DMD: variants seen among roughly 807,000 people sequenced by gnomAD.
DMD encodes dystrophin.
A neutral mutation model predicts 330.1 loss-of-function variants in DMD; 63 were observed. The ratio of observed to expected loss-of-function variants is 0.19; its 90% CI spans 0.16 to 0.24. The LOEUF (loss-of-function observed/expected upper bound fraction) is 0.24, where lower values mean the gene tolerates loss of function less well. DMD is among the 10% of genes least tolerant of loss of function. The pLI, the probability that DMD is intolerant of heterozygous loss-of-function variation, is 1.00. For synonymous variants in DMD, 1,223 were observed against 959.8 expected, an observed-to-expected ratio of 1.27 and a Z score of -5.07; for missense variants, 3,344 against 2,684.1, an observed-to-expected ratio of 1.25 and a Z score of -5.43.
At chrX:32,026,357 A>G (rs1396939010) in intron 44 of DMD, among the ~76,000 whole-genome samples, 1 of 112,327 alleles carries the variant, frequency 8.9e-6, no homozygotes, top group East Asian at 2.8e-4. Flanking sequence ...ATTTAAGATT[A>G]CAAAGAACTA....
chrX:33,056,223 G>T lies in DMD; in HGVS notation c.32-36023C>A, dbSNP rs150923288. Among the ~76,000 whole-genome samples the T allele has an allele frequency of 3.9e-3, 432 of 110,607 alleles. 5 individuals are homozygous for T. The highest frequency in any genetic ancestry group is 0.015 in the East Asian group (52 of 3,507). ...TAGGTTCCTGAAAATAGAAAGTCCC[G>T]CATGGTCCTCATCAAAGTCCGCTGG... On this transcript the variant is annotated intron_variant, in intron 1 of 78. Transcript: ENST00000357033.
At chrX:32,454,972 A>G (rs753615537) in intron 25 of DMD, 140 bp from the exon 26 acceptor site, 6 of 654,619 alleles carry the variant, frequency 9.2e-6, no homozygotes, top group African/African-American at 2.2e-5. Flanking sequence ...ATAAGAAAAT[A>G]ACTCATGGGG....
intron 2 of DMD, among the ~76,000 whole-genome samples, chrX:32,885,315 G>T (rs2149225613): frequency 9.0e-6 from 1 of 111,370 alleles, no homozygotes; most frequent in African/African-American, 3.3e-5. Flanking sequence ...TGCTTCCTAT[G>T]GCTAGATTCA....
chrX:32,412,068 T>A (rs2098144364), intron 29 of DMD, 155 bp from the exon 30 acceptor site: 1 of 1,182,015 alleles, frequency 8.5e-7, no homozygotes, highest in Non-Finnish European at 1.1e-6. Flanking sequence ...TCAGCTCTGT[T>A]GATAGAAAAA....
At chrX:32,490,853 C>A (rs770150488) in intron 20 of DMD, among the ~76,000 whole-genome samples, 42 of 112,088 alleles carry the variant, frequency 3.7e-4, no homozygotes, top group African/African-American at 1.3e-3. Context: ...TAAATATTTT[C>A]CTTATGTATC....
intron 13 of DMD, among the ~76,000 whole-genome samples, 159 bp from the exon 14 acceptor site, chrX:32,574,005 GTGA>G (rs1334452150): frequency 6.2e-5 from 7 of 112,188 alleles, no homozygotes; most frequent in Non-Finnish European, 1.3e-4. Flanking sequence ...AATAAGTGGT[GTGA>G]CTGTCATTTG....
chrX:32,054,708 GT>G (rs2096152339), intron 44 of DMD, among the ~76,000 whole-genome samples: 1 of 108,232 alleles, frequency 9.2e-6, no homozygotes, highest in Admixed American at 1.0e-4. Flanking sequence ...ACCTACAGAA[GT>G]TTGGACATTT....
At position 31,791,439 on chromosome X, in the gene DMD, C is replaced by T. The variant is rs183862820; in HGVS notation, c.7310-17247G>A. The stretch of plus-strand genomic sequence containing the variant: ...TCATTCACCTTTACATATCTGTAGC[C>T]CCTGACATGAATATCTATCTTCAGG... On this transcript the variant is annotated intron_variant, in intron 50 of 78. Transcript: ENST00000357033. Among the ~76,000 whole-genome samples, 161 of 111,297 alleles carry T rather than the reference C, an allele frequency of 1.4e-3. 3 individuals are homozygous for T. Among genetic ancestry groups the T allele is most frequent in the African/African-American group, 5.1e-3 (155 of 30,644 alleles).
intron 2 of DMD, among the ~76,000 whole-genome samples, chrX:32,856,572 T>C (rs2081580555): frequency 8.9e-6 from 1 of 111,762 alleles, no homozygotes; most frequent in Admixed American, 9.5e-5. Flanking sequence ...AAAAACAAAC[T>C]TTGCATGGGC....
At chrX:32,880,710 C>T (rs1489988358) in intron 2 of DMD, among the ~76,000 whole-genome samples, 1 of 112,220 alleles carries the variant, frequency 8.9e-6, no homozygotes, top group East Asian at 2.8e-4. Flanking sequence ...TTTAGACGGC[C>T]GAGGTGGGAA....
At chrX:32,512,389 T>A (rs1485160462) in intron 18 of DMD, among the ~76,000 whole-genome samples, 1 of 112,445 alleles carries the variant, frequency 8.9e-6, no homozygotes, top group Non-Finnish European at 1.9e-5. Context: ...ACTCAAATGT[T>A]TATTCAGAAG....
intron 37 of DMD, among the ~76,000 whole-genome samples, chrX:32,351,895 T>A (rs2097782922): frequency 9.0e-6 from 1 of 110,864 alleles, no homozygotes; most frequent in Admixed American, 9.6e-5. Flanking sequence ...TACCAAAAAC[T>A]GAAGTGCTAA....
At chrX:32,578,861 C>A (rs1161868851) in intron 13 of DMD, among the ~76,000 whole-genome samples, 1 of 111,480 alleles carries the variant, frequency 9.0e-6, no homozygotes, top group Admixed American at 9.6e-5. Context: ...AGAAAACAAC[C>A]CATCTTATTT....
rs1491356457 is a variant in DMD, at chrX:33,272,677, A to AC, written c.7+66581_7+66582insG. On this transcript the variant is annotated intron_variant, in intron 1 of 17. Transcript: ENST00000288447. ...TGACATCAAAATGAAAAAAAAAAAA[A>AC]ACACACACACACAAGAAAATGACGC... Among the ~76,000 whole-genome samples, 1,034 of 104,492 alleles carry AC rather than the reference A, an allele frequency of 9.9e-3. 13 individuals are homozygous for AC. Among genetic ancestry groups the AC allele is most frequent in the African/African-American group, 0.035 (919 of 25,951 alleles). 90.7% of individuals were successfully genotyped at this position (104,492 alleles called of 115,157 possible).
At chrX:31,184,239 G>A (rs1390997918) in intron 67 of DMD, among the ~76,000 whole-genome samples, 1 of 112,023 alleles carries the variant, frequency 8.9e-6, no homozygotes, top group Non-Finnish European at 1.9e-5. Flanking sequence ...GAAAGGTTTT[G>A]GGGTCTTGTT....
At chrX:31,539,282 G>A (rs762932086) in intron 55 of DMD, among the ~76,000 whole-genome samples, 29 of 111,718 alleles carry the variant, frequency 2.6e-4, no homozygotes, top group Non-Finnish European at 5.1e-4. Context: ...TTCCAGAAGA[G>A]AAAATTAAGG....
chrX:31,919,308 A>G (rs1234504133), intron 47 of DMD, among the ~76,000 whole-genome samples: 2 of 112,450 alleles, frequency 1.8e-5, no homozygotes, highest in Non-Finnish European at 3.7e-5. Flanking sequence ...ATTCTTTTAT[A>G]AAAGTTTCAA....
chrX:31,783,317 A>G (rs2091121439), intron 50 of DMD, among the ~76,000 whole-genome samples: 2 of 111,968 alleles, frequency 1.8e-5, no homozygotes, highest in Admixed American at 1.9e-4. Context: ...AAACTAAGCA[A>G]AATGAGGTAA....
chrX:32,089,258 A>G (rs2096460434), intron 44 of DMD, among the ~76,000 whole-genome samples: 1 of 111,300 alleles, frequency 9.0e-6, no homozygotes, highest in Non-Finnish European at 1.9e-5. Context: ...TCTGTGGTGT[A>G]TTGTACTGAA....
Sources: gnomAD v4.1 joint callset for allele counts (sites outside exome capture counted in the v4.1 genomes callset) on GRCh38, gnomAD v4.1.1 for gene constraint, MANE v1.5 for transcripts, NCBI Gene and HGNC (gene_info 2026-07-23, HGNC 2026-07-21) for gene names.